GALNTL6: variants seen among roughly 807,000 people sequenced by gnomAD.
GALNTL6 encodes the protein polypeptide N-acetylgalactosaminyltransferase like 6.
Under a neutral mutation model 73.7 loss-of-function variants are expected in GALNTL6, and 46 were observed. The observed-to-expected ratio is 0.62, with a 90% CI of 0.49 to 0.80. The LOEUF is 0.80. Among genes scored for constraint, GALNTL6 ranks in the 30% least tolerant of loss-of-function variants. The pLI is 0.00. For synonymous variants in GALNTL6, 259 were observed against 263.7 expected (o/e 0.98, Z 0.17); for missense variants, 604 against 755.0 (o/e 0.80, Z 2.34).
intron 12 of GALNTL6, among the ~76,000 whole-genome samples, chr4:173,030,124 T>C (rs1171514714): frequency 6.7e-6 from 1 of 149,136 alleles, no homozygotes; most frequent in Non-Finnish European, 1.5e-5. Context: ...GTCTGCAACA[T>C]ACCCCTTTTG....
At chr4:171,928,877 T>G (rs1738076598) in intron 2 of GALNTL6, among the ~76,000 whole-genome samples, 1 of 152,120 alleles carries the variant, frequency 6.6e-6, no homozygotes, top group Non-Finnish European at 1.5e-5. Context: ...CACACTGTGA[T>G]GTTCACAGAA....
chr4:172,997,865 A>G (rs1351194296), intron 10 of GALNTL6, among the ~76,000 whole-genome samples: 1 of 152,186 alleles, frequency 6.6e-6, no homozygotes, highest in Non-Finnish European at 1.5e-5. Context: ...CACAAGTAAA[A>G]AAGTTTTTGT....
intron 5 of GALNTL6, among the ~76,000 whole-genome samples, chr4:172,725,940 A>T (rs550745776): frequency 6.6e-6 from 1 of 152,336 alleles, no homozygotes; most frequent in South Asian, 2.1e-4. Flanking sequence ...TATAAAATGT[A>T]TGAAGCCCCC....
In GALNTL6 at chr4:172,297,745, G is replaced by C. The variant is rs574259425; in HGVS notation, c.248-13869G>C. Among the ~76,000 whole-genome samples, 6 of 152,216 alleles carry C rather than the reference G, an allele frequency of 3.9e-5. No individual in the cohort carries two copies. In the South Asian group the frequency reaches 8.3e-4, roughly 21 times the overall value. The stretch of plus-strand genomic sequence containing the variant: ...TTGGTACCAGTACCATGATGTTTTG[G>C]TTACTGTTGCCTTGTAGTATAGTTT... On this transcript the variant is annotated intron_variant, in intron 3 of 12. Transcript: ENST00000506823.
At chr4:172,412,476 G>C (rs1260354851) in intron 5 of GALNTL6, among the ~76,000 whole-genome samples, 12 of 152,150 alleles carry the variant, frequency 7.9e-5, no homozygotes, top group Admixed American at 7.9e-4. Flanking sequence ...ATCAGAATCA[G>C]CATTAGCAGA....
intron 4 of GALNTL6, among the ~76,000 whole-genome samples, chr4:172,337,602 T>A (rs550559847): frequency 1.6e-4 from 24 of 152,148 alleles, no homozygotes; most frequent in African/African-American, 5.8e-4. Context: ...CTCTTCTGAC[T>A]TACAAGGTTT....
At chr4:172,054,374 G>A (rs1730960795) in intron 2 of GALNTL6, among the ~76,000 whole-genome samples, 1 of 152,088 alleles carries the variant, frequency 6.6e-6, no homozygotes, top group Non-Finnish European at 1.5e-5. Flanking sequence ...AACATGCAAA[G>A]TGTCTTAGTT....
intron 5 of GALNTL6, among the ~76,000 whole-genome samples, chr4:172,651,828 G>A (rs1740488524): frequency 6.6e-6 from 1 of 152,110 alleles, no homozygotes; most frequent in Admixed American, 6.5e-5. Flanking sequence ...ACTGAATAGA[G>A]GCAGGGAAAA....
At chr4:172,401,822 T>C (rs926984981) in intron 5 of GALNTL6, among the ~76,000 whole-genome samples, 5 of 151,832 alleles carry the variant, frequency 3.3e-5, no homozygotes, top group African/African-American at 9.7e-5. Context: ...TTTATGTATT[T>C]GTCGTGGTAA....
chr4:172,216,199 T>G (rs1356891654), intron 2 of GALNTL6, among the ~76,000 whole-genome samples: 1 of 152,164 alleles, frequency 6.6e-6, no homozygotes, highest in Non-Finnish European at 1.5e-5. Context: ...GAAGATTTTC[T>G]TTTAACATTT....
At chr4:172,295,931 T>C (rs533891108) in intron 3 of GALNTL6, among the ~76,000 whole-genome samples, 1 of 152,282 alleles carries the variant, frequency 6.6e-6, no homozygotes, top group South Asian at 2.1e-4. Context: ...TTTTCTTTAC[T>C]ATATACATAT....
intron 2 of GALNTL6, among the ~76,000 whole-genome samples, chr4:172,146,448 C>G (rs935555213): frequency 7.2e-5 from 11 of 152,166 alleles, no homozygotes; most frequent in Non-Finnish European, 1.3e-4. Context: ...CTGGTTGCCT[C>G]TGTATTAATT....
intron 3 of GALNTL6, among the ~76,000 whole-genome samples, chr4:172,281,913 G>C (rs1342056203): frequency 1.3e-5 from 2 of 151,200 alleles, no homozygotes; most frequent in Non-Finnish European, 2.9e-5. Context: ...ACTAAATCTT[G>C]TGTTGCTTTT....
intron 9 of GALNTL6, among the ~76,000 whole-genome samples, chr4:172,931,669 T>C (rs1748347639): frequency 6.6e-6 from 1 of 152,074 alleles, no homozygotes; most frequent in Admixed American, 6.5e-5. Context: ...ATAAGTCAGA[T>C]GGAAAAAGGG....
At chr4:172,978,591 A>C (rs1750936699) in intron 10 of GALNTL6, among the ~76,000 whole-genome samples, 1 of 152,200 alleles carries the variant, frequency 6.6e-6, no homozygotes, top group Non-Finnish European at 1.5e-5. Context: ...TCATCCCCTT[A>C]TGTTAGTAGG....
chr4:171,974,944 A>T lies in GALNTL6; in HGVS notation c.138+160226A>T, dbSNP rs551952536. On this transcript the variant is annotated intron_variant, in intron 2 of 12. Transcript: ENST00000506823. ...AATTACACTAATAGTCTCTCACGGC[A>T]AGGTTGGCTGTATGTATTTTTTGTA... is the stretch of plus-strand genomic sequence containing the variant. Among the ~76,000 whole-genome samples, 7 of 152,272 alleles carry T rather than the reference A, an allele frequency of 4.6e-5. No individual in the cohort carries two copies. In the South Asian group the frequency reaches 1.4e-3, roughly 32 times the overall value.
chr4:172,247,369 G>A (rs1644599967), intron 3 of GALNTL6, among the ~76,000 whole-genome samples: 1 of 152,138 alleles, frequency 6.6e-6, no homozygotes, highest in Non-Finnish European at 1.5e-5. Context: ...TCTTAGAGAC[G>A]TGGGAGAATG....
chr4:172,346,349 A>T (rs1256680550), intron 4 of GALNTL6, among the ~76,000 whole-genome samples: 1 of 152,230 alleles, frequency 6.6e-6, no homozygotes, highest in Non-Finnish European at 1.5e-5. Flanking sequence ...TGAAACCTTC[A>T]ATATGTCCCT....
intron 5 of GALNTL6, among the ~76,000 whole-genome samples, chr4:172,450,345 C>T (rs955623137): frequency 3.3e-5 from 5 of 152,080 alleles, no homozygotes; most frequent in Admixed American, 6.6e-5. Context: ...AGTAATCCTT[C>T]ATCTCATTCT....
Sources: gnomAD v4.1 joint callset for allele counts (sites outside exome capture counted in the v4.1 genomes callset) on GRCh38, gnomAD v4.1.1 for gene constraint, MANE v1.5 for transcripts, NCBI Gene and HGNC (gene_info 2026-07-23, HGNC 2026-07-21) for gene names.